The following RUNX2 variants were observed in gnomAD, a reference collection of about 807,000 sequenced individuals.
RUNX2 encodes the protein RUNX family transcription factor 2.
A neutral mutation model predicts 51.7 loss-of-function variants in RUNX2; 10 were observed. That is an observed-to-expected ratio of 0.19 (90% CI 0.12 to 0.33). The LOEUF (loss-of-function observed/expected upper bound fraction) is 0.33, where lower values mean the gene tolerates loss of function less well. Among genes scored for constraint, RUNX2 ranks in the 10% least tolerant of loss-of-function variants. The pLI is 1.00. For missense variants in RUNX2, 562 were observed against 691.3 expected, an observed-to-expected ratio of 0.81 and a Z score of 2.10; for synonymous variants, 276 against 273.6, an observed-to-expected ratio of 1.01 and a Z score of -0.09.
At chr6:45,488,759 T>TA (rs1190103527) in intron 5 of RUNX2, among the ~76,000 whole-genome samples, 1 of 152,204 alleles carries the variant, frequency 6.6e-6, no homozygotes, top group Non-Finnish European at 1.5e-5. Context: ...CATTTTTACA[T>TA]AGAGTCTCAA....
intron 5 of RUNX2, among the ~76,000 whole-genome samples, chr6:45,461,158 T>C (rs1799465840): frequency 6.6e-6 from 1 of 152,132 alleles, no homozygotes; most frequent in South Asian, 2.1e-4. Flanking sequence ...ATTGAATAGG[T>C]AGAATCAGGC....
At chr6:45,431,744 A>G (rs979861341) in intron 3 of RUNX2, 119 bp from the exon 4 acceptor site, 5 of 1,144,734 alleles carry the variant, frequency 4.4e-6, no homozygotes, top group Non-Finnish European at 5.3e-6. Flanking sequence ...GTCGGCCATT[A>G]CTGGACTGGA....
At chr6:45,472,197 C>G (rs1293033873) in intron 5 of RUNX2, among the ~76,000 whole-genome samples, 1 of 152,066 alleles carries the variant, frequency 6.6e-6, no homozygotes, top group African/African-American at 2.4e-5. Flanking sequence ...ACAAAATAGC[C>G]TTAGTGCTGC....
chr6:45,525,046 G>A (rs565207801), intron 7 of RUNX2, among the ~76,000 whole-genome samples: 9 of 152,300 alleles, frequency 5.9e-5, no homozygotes, highest in African/African-American at 1.7e-4. Context: ...GGGAGGTGGA[G>A]GTTGCAGTGA....
chr6:45,508,356 G>A (rs995094316), intron 6 of RUNX2, among the ~76,000 whole-genome samples: 4 of 150,802 alleles, frequency 2.7e-5, no homozygotes, highest in Non-Finnish European at 4.4e-5. Context: ...AGCCTCCTGA[G>A]TAGCTGGGAT....
chr6:45,356,421 A>G (rs1042558412), intron 2 of RUNX2, among the ~76,000 whole-genome samples: 2 of 151,896 alleles, frequency 1.3e-5, no homozygotes, highest in African/African-American at 4.8e-5. Flanking sequence ...TTTTTGAGAC[A>G]GAGTCTCACT....
chr6:45,364,220 G>A (rs1452717913), intron 2 of RUNX2, among the ~76,000 whole-genome samples: 1 of 151,888 alleles, frequency 6.6e-6, no homozygotes, highest in African/African-American at 2.4e-5. Flanking sequence ...AGTATAAAAG[G>A]ATCCTAAGGC....
At chr6:45,435,898 A>G (rs1798672156) in intron 4 of RUNX2, among the ~76,000 whole-genome samples, 1 of 152,140 alleles carries the variant, frequency 6.6e-6, no homozygotes, top group African/African-American at 2.4e-5. Context: ...ACTTTTTGCG[A>G]TCTTTCCATT....
intron 5 of RUNX2, among the ~76,000 whole-genome samples, chr6:45,453,480 T>G (rs1358357074): frequency 1.3e-5 from 2 of 152,186 alleles, no homozygotes; most frequent in African/African-American, 2.4e-5. Flanking sequence ...GAACACCCAC[T>G]GGTATACCCA....
At chr6:45,491,867 T>G in intron 5 of RUNX2, 74 bp from the exon 6 acceptor site, 1 of 1,465,782 alleles carries the variant, frequency 6.8e-7, no homozygotes. Flanking sequence ...AGTTTGTATG[T>G]TCACATATCT....
intron 5 of RUNX2, among the ~76,000 whole-genome samples, chr6:45,465,890 C>T (rs1257772830): frequency 6.6e-6 from 1 of 151,812 alleles, no homozygotes; most frequent in Non-Finnish European, 1.5e-5. Flanking sequence ...AAGCAATACA[C>T]CCACCTTGGC....
At chr6:45,516,295 G>C (rs561591811) in intron 7 of RUNX2, among the ~76,000 whole-genome samples, 115 of 152,174 alleles carry the variant, frequency 7.6e-4, no homozygotes, top group African/African-American at 2.6e-3. Flanking sequence ...CTTAACATTG[G>C]GTAGCCTTAA....
intron 7 of RUNX2, among the ~76,000 whole-genome samples, chr6:45,537,514 T>C (rs532705041): frequency 5.9e-5 from 9 of 152,296 alleles, no homozygotes; most frequent in Admixed American, 2.6e-4. Context: ...TTACAGAGGA[T>C]TTAATGACAA....
chr6:45,487,468 C>T (rs1329262767), intron 5 of RUNX2, among the ~76,000 whole-genome samples: 2 of 152,102 alleles, frequency 1.3e-5, no homozygotes, highest in Admixed American at 1.3e-4. Context: ...TTAAGAATTA[C>T]AGTGAAAGTG....
intron 5 of RUNX2, among the ~76,000 whole-genome samples, chr6:45,475,924 A>G (rs1799942886): frequency 2.0e-5 from 3 of 152,354 alleles, no homozygotes; most frequent in African/African-American, 7.2e-5. Context: ...GGGACATTCT[A>G]AATTGTTCTA....
chr6:45,540,260 T>C (rs1212079755), intron 7 of RUNX2, among the ~76,000 whole-genome samples: 1 of 152,218 alleles, frequency 6.6e-6, no homozygotes, highest in Non-Finnish European at 1.5e-5. Context: ...GGCTGGCCTA[T>C]GCTTGAGTAA....
chr6:45,547,136 C>A lies in RUNX2; in HGVS notation c.1397C>A (p.Pro466His). The change falls in exon 9 of 9, where the codon CCT becomes CAT. Residue 466 changes from proline to histidine, a missense_variant. By Grantham distance (77) the Pro-to-His change is moderately conservative. Transcript: ENST00000647337. ...FPMVPGGDRS[P>H]SRMLPPCTTT... ...ATGGTGCCGGGGGGAGACCGGTCTC[C>A]TTCCAGAATGCTTCCGCCATGCACC... is the stretch of plus-strand genomic sequence containing the variant. 6.2e-7 allele frequency: 1 copy of A among 1,614,118 alleles called. No homozygotes were observed. The highest frequency in any genetic ancestry group is 8.5e-7 in the Non-Finnish European group (1 of 1,180,020).
chr6:45,487,240 A>C (rs1439536134), intron 5 of RUNX2, among the ~76,000 whole-genome samples: 1 of 152,214 alleles, frequency 6.6e-6, no homozygotes, highest in African/African-American at 2.4e-5. Flanking sequence ...GAGCTGAAAT[A>C]AGCTGGTTGG....
intron 5 of RUNX2, among the ~76,000 whole-genome samples, chr6:45,452,483 G>T (rs532664731): frequency 1.7e-3 from 256 of 152,318 alleles, no homozygotes; most frequent in African/African-American, 6.0e-3. Context: ...TTTTCTTGGA[G>T]AAGCCAAGCA....
Sources: allele counts gnomAD v4.1 joint callset (sites outside exome capture counted in the v4.1 genomes callset), GRCh38; gene constraint gnomAD v4.1.1; transcripts MANE v1.5; gene names NCBI Gene and HGNC (gene_info 2026-07-23, HGNC 2026-07-21).